The following TMEM117 variants were observed in gnomAD, a reference collection of about 807,000 sequenced individuals.
The protein encoded by TMEM117 is transmembrane protein 117.
In TMEM117, 27 loss-of-function variants were observed where a neutral mutation model predicts 52.4. The observed-to-expected ratio is 0.51, with a 90% CI of 0.38 to 0.71. TMEM117 has a LOEUF of 0.71. Among genes scored for constraint, TMEM117 ranks in the 30% least tolerant of loss-of-function variants. The pLI is 0.00. For missense variants in TMEM117, 556 were observed against 630.5 expected (o/e 0.88, Z 1.26); for synonymous variants, 215 against 206.3 (o/e 1.04, Z -0.36).
intron 3 of TMEM117, among the ~76,000 whole-genome samples, chr12:43,974,028 C>T (rs1465343828): frequency 6.6e-6 from 1 of 152,120 alleles, no homozygotes; most frequent in Non-Finnish European, 1.5e-5. Context: ...GCTCTTTCTG[C>T]AAAACTTCTC....
intron 5 of TMEM117, among the ~76,000 whole-genome samples, chr12:44,256,765 C>T (rs1178345636): frequency 6.6e-6 from 1 of 151,618 alleles, no homozygotes; most frequent in African/African-American, 2.4e-5. Flanking sequence ...ATCAAAGAAA[C>T]GTTTGTTTTA....
intron 6 of TMEM117, among the ~76,000 whole-genome samples, chr12:44,300,445 A>T (rs1002747699): frequency 2.0e-5 from 3 of 152,030 alleles, no homozygotes; most frequent in Admixed American, 6.6e-5. Context: ...TCATAAGGCA[A>T]TTTTTTTCCC....
chr12:44,339,336 T>G (rs1237589614), intron 6 of TMEM117, among the ~76,000 whole-genome samples: 1 of 152,018 alleles, frequency 6.6e-6, no homozygotes. Flanking sequence ...AAAGTCATAC[T>G]AAAAGAGAAA....
chr12:44,339,003 A>G (rs940856292), intron 6 of TMEM117, among the ~76,000 whole-genome samples: 2 of 152,124 alleles, frequency 1.3e-5, no homozygotes, highest in African/African-American at 2.4e-5. Flanking sequence ...TCTTGCAGCC[A>G]CTGCCCAACT....
intron 6 of TMEM117, among the ~76,000 whole-genome samples, chr12:44,306,413 T>C (rs1950904167): frequency 1.3e-5 from 2 of 152,116 alleles, no homozygotes. Flanking sequence ...TATGTGCAGG[T>C]GTGTGTGTAA....
the TMEM117 span, among the ~76,000 whole-genome samples, chr12:43,798,157 T>G: frequency 6.6e-6 from 1 of 152,104 alleles, no homozygotes. Context: ...TTTTACTTGA[T>G]AGAATTTATA....
chr12:43,907,634 T>C (rs1469097451), intron 2 of TMEM117, among the ~76,000 whole-genome samples: 1 of 148,756 alleles, frequency 6.7e-6, no homozygotes, highest in East Asian at 2.0e-4. Flanking sequence ...GAATAACCAA[T>C]ACAGAGAAGT....
chr12:43,912,492 TATA>T (rs1337126548), intron 2 of TMEM117, among the ~76,000 whole-genome samples: 2 of 144,738 alleles, frequency 1.4e-5, no homozygotes, highest in African/African-American at 5.5e-5. Flanking sequence ...AAACTTAAAG[TATA>T]ATAATAATAA....
intron 3 of TMEM117, among the ~76,000 whole-genome samples, chr12:44,004,300 T>G (rs755885971): frequency 7.2e-5 from 11 of 152,176 alleles, no homozygotes; most frequent in Non-Finnish European, 1.5e-4. Flanking sequence ...ACTTTGCTGA[T>G]CCTCATGAGG....
At chr12:44,276,367 A>C (rs1248209160) in intron 5 of TMEM117, among the ~76,000 whole-genome samples, 1 of 152,198 alleles carries the variant, frequency 6.6e-6, no homozygotes. Flanking sequence ...TTGGAGGACA[A>C]TGTGTTAAGT....
chr12:44,037,164 G>A (rs1237385870), intron 3 of TMEM117, among the ~76,000 whole-genome samples: 4 of 152,118 alleles, frequency 2.6e-5, no homozygotes, highest in Admixed American at 6.5e-5. Flanking sequence ...CACCCAAGCC[G>A]TGGCTGCAGA....
chr12:43,969,649 C>T (rs1035133646), intron 3 of TMEM117, among the ~76,000 whole-genome samples: 2 of 152,122 alleles, frequency 1.3e-5, no homozygotes, highest in Non-Finnish European at 2.9e-5. Context: ...TTCCTTCTCT[C>T]TCACTAAAAG....
At chr12:44,252,201 C>T (rs1473089860) in intron 5 of TMEM117, among the ~76,000 whole-genome samples, 1 of 152,132 alleles carries the variant, frequency 6.6e-6, no homozygotes, top group African/African-American at 2.4e-5. Flanking sequence ...TAAACTTTAT[C>T]CATATCCAAA....
At chr12:44,318,748 G>A (rs1247013153) in intron 6 of TMEM117, among the ~76,000 whole-genome samples, 1 of 152,096 alleles carries the variant, frequency 6.6e-6, no homozygotes, top group Non-Finnish European at 1.5e-5. Flanking sequence ...GAGAGTGGGT[G>A]CTCTGACTGC....
intron 3 of TMEM117, among the ~76,000 whole-genome samples, chr12:43,948,020 C>A (rs1428476555): frequency 6.6e-6 from 1 of 152,060 alleles, no homozygotes; most frequent in Non-Finnish European, 1.5e-5. Context: ...TAGACCGGAA[C>A]CTCAAGAGTT....
At chr12:43,809,564 T>G in the TMEM117 span, among the ~76,000 whole-genome samples, 1 of 152,210 alleles carries the variant, frequency 6.6e-6, no homozygotes, top group African/African-American at 2.4e-5. Context: ...TACAGTATGA[T>G]TCAAAATAAA....
At chr12:43,926,497 T>C (rs1220306257) in intron 2 of TMEM117, among the ~76,000 whole-genome samples, 2 of 152,228 alleles carry the variant, frequency 1.3e-5, no homozygotes, top group African/African-American at 4.8e-5. Context: ...TAGTCATTCT[T>C]ATAAATATCT....
chr12:44,086,288 A>G (rs1346757177), intron 3 of TMEM117, among the ~76,000 whole-genome samples: 1 of 143,886 alleles, frequency 6.9e-6, no homozygotes, highest in African/African-American at 2.6e-5. Flanking sequence ...ATCTCAGCTC[A>G]CTGCAACCTG....
At chr12:43,915,751 A>G (rs951591998) in intron 2 of TMEM117, among the ~76,000 whole-genome samples, 1 of 141,724 alleles carries the variant, frequency 7.1e-6, no homozygotes, top group Non-Finnish European at 1.5e-5. Context: ...GAAGAAAGAA[A>G]AAGAAAGAAA....
Sources: gnomAD v4.1 joint callset for allele counts (sites outside exome capture counted in the v4.1 genomes callset) on GRCh38, gnomAD v4.1.1 for gene constraint, MANE v1.5 for transcripts, NCBI Gene and HGNC (gene_info 2026-07-23, HGNC 2026-07-21) for gene names.